Variants in MAOB observed in about 807,000 individuals in gnomAD.
MAOB encodes the protein amine oxidase [flavin-containing] B.
In MAOB, 15 loss-of-function variants were observed where a neutral mutation model predicts 41.9. The observed-to-expected ratio is 0.36, with a 90% CI of 0.24 to 0.55. The LOEUF is 0.55. Among genes scored for constraint, MAOB ranks in the 20% least tolerant of loss-of-function variants. The pLI is 0.86. For synonymous variants in MAOB, 167 were observed against 144.2 expected (o/e 1.16, Z -1.13); for missense variants, 345 against 398.7 (o/e 0.87, Z 1.15).
At chrX:43,780,451 C>T (rs2034317187) in intron 9 of MAOB, 56 bp from the exon 10 acceptor site, 1 of 938,970 alleles carries the variant, frequency 1.1e-6, no homozygotes, top group East Asian at 3.1e-5. Context: ...TCATCCTAGC[C>T]TCATTTTCGT....
At chrX:43,786,217 T>G (rs2034396293) in intron 8 of MAOB, among the ~76,000 whole-genome samples, 1 of 112,261 alleles carries the variant, frequency 8.9e-6, no homozygotes, top group Non-Finnish European at 1.9e-5. Flanking sequence ...GTCCAACTCC[T>G]TCTGCTCCAT....
Position 43,793,454 on chromosome X carries a change from A to G in MAOB, c.893T>C (p.Ile298Thr). ...CCAGAAAGGCTCTTTATAATAAACT[A>G]TACACTTGATGACTGAACCCAAAGG... ...RVPLGSVIKC[I>T]VYYKEPFWRK... The change falls in exon 8 of 15, where the codon ATA becomes ACA. Residue 298 changes from isoleucine (I) to threonine (T), a missense_variant. Physicochemically the swap from Ile to Thr is moderately conservative, Grantham distance 89. Coordinates refer to ENST00000378069, the MANE Select transcript of MAOB (RefSeq NM_000898.5). 8.3e-7 allele frequency: 1 copy of G among 1,205,592 alleles called. No homozygotes were observed. The highest frequency in any genetic ancestry group is 1.8e-5 in the South Asian group (1 of 55,997).
At chrX:43,837,771 T>C in intron 3 of MAOB, 1 of 310,573 alleles carries the variant, frequency 3.2e-6, no homozygotes, top group Admixed American at 3.2e-5. Flanking sequence ...TGCTGCTTAC[T>C]TCCACCCACA....
At chrX:43,872,069 T>C (rs1436223906) in intron 1 of MAOB, among the ~76,000 whole-genome samples, 1 of 111,917 alleles carries the variant, frequency 8.9e-6, no homozygotes, top group Non-Finnish European at 1.9e-5. Flanking sequence ...TACAGGACTA[T>C]TTTCTTTTCT....
intron 3 of MAOB, among the ~76,000 whole-genome samples, chrX:43,809,641 A>G (rs1362134117): frequency 8.9e-6 from 1 of 111,979 alleles, no homozygotes; most frequent in Admixed American, 9.5e-5. Context: ...AGATTACACA[A>G]TCTGAGGCAA....
chrX:43,881,058 A>C (rs781082896), intron 1 of MAOB, among the ~76,000 whole-genome samples: 6 of 113,303 alleles, frequency 5.3e-5, no homozygotes, highest in Non-Finnish European at 9.4e-5. Context: ...TGTACCTGCA[A>C]CACCAGGCAC....
intron 12 of MAOB, among the ~76,000 whole-genome samples, chrX:43,771,959 T>G (rs1215887450): frequency 9.0e-6 from 1 of 111,686 alleles, no homozygotes; most frequent in East Asian, 2.8e-4. Context: ...CCACATATAT[T>G]TCTTGTGGCT....
intron 3 of MAOB, among the ~76,000 whole-genome samples, chrX:43,835,433 ATTATATAG>A (rs1346449645): frequency 8.9e-6 from 1 of 112,162 alleles, no homozygotes; most frequent in African/African-American, 3.2e-5. Flanking sequence ...CACCTTCTAA[ATTATATAG>A]ATTTGAGCTG....
intron 8 of MAOB, among the ~76,000 whole-genome samples, chrX:43,789,837 C>T (rs2034442750): frequency 8.9e-6 from 1 of 111,801 alleles, no homozygotes; most frequent in South Asian, 3.7e-4. Context: ...GATCATTTCA[C>T]TATGTACATG....
chrX:43,770,142 T>TA (rs1007630318), intron 12 of MAOB, among the ~76,000 whole-genome samples: 6 of 110,811 alleles, frequency 5.4e-5, no homozygotes, highest in Non-Finnish European at 1.1e-4. Context: ...TTGCCTCTGC[T>TA]AAAAAAAACT....
intron 1 of MAOB, among the ~76,000 whole-genome samples, chrX:43,876,106 T>C (rs990024686): frequency 9.0e-6 from 1 of 111,025 alleles, no homozygotes; most frequent in Non-Finnish European, 1.9e-5. Context: ...ACTGGAGGCA[T>C]GCGCCACCAC....
intron 1 of MAOB, among the ~76,000 whole-genome samples, chrX:43,872,995 G>A (rs1317165374): frequency 8.9e-6 from 1 of 112,306 alleles, no homozygotes; most frequent in Non-Finnish European, 1.9e-5. Context: ...AGATCATCAA[G>A]ATGGAATGTG....
At chrX:43,865,599 A>T (rs1210015486) in intron 1 of MAOB, among the ~76,000 whole-genome samples, 1 of 111,905 alleles carries the variant, frequency 8.9e-6, no homozygotes, top group African/African-American at 3.3e-5. Context: ...TAAAAATCTT[A>T]TGAAGATAAA....
At chrX:43,866,561 G>T (rs1475996512) in intron 1 of MAOB, among the ~76,000 whole-genome samples, 1 of 112,163 alleles carries the variant, frequency 8.9e-6, no homozygotes, top group Non-Finnish European at 1.9e-5. Context: ...GGCTGGGGAA[G>T]AAGGGAATGG....
At chrX:43,835,603 T>A (rs994549837) in intron 3 of MAOB, among the ~76,000 whole-genome samples, 7 of 112,169 alleles carry the variant, frequency 6.2e-5, no homozygotes, top group Admixed American at 9.4e-5. Context: ...GATACAAACA[T>A]GTCTGACAGA....
At chrX:43,876,265 C>A (rs763546668) in intron 1 of MAOB, among the ~76,000 whole-genome samples, 42 of 111,650 alleles carry the variant, frequency 3.8e-4, no homozygotes, top group Non-Finnish European at 7.3e-4. Context: ...TGGCCAATAA[C>A]CACACTTATT....
chrX:43,838,981 G>A lies in MAOB; in HGVS notation c.166C>T (p.Leu56Phe). ...GTTGGTCCAACATAGGATCCTCCAA[G>A]GTCCACATATTTAACCTTTTGGTTC... is the stretch of plus-strand genomic sequence containing the variant. Reference protein sequence around the residue: ...LRNQKVKYVDLGGSYVGPTQN... With the variant: ...LRNQKVKYVDFGGSYVGPTQN... Residue 56 changes from leucine (L) to phenylalanine (F), a missense_variant, in exon 3 of 15, where the codon CTT (leucine) becomes TTT (phenylalanine). By Grantham distance (22) the Leu-to-Phe change is conservative. Coordinates refer to ENST00000378069, the MANE Select transcript of MAOB (RefSeq NM_000898.5). 4.2e-6 allele frequency: 5 copies of A among 1,190,195 alleles called. No individual in the cohort carries two copies. Among genetic ancestry groups the A allele is most frequent in the East Asian group, 3.0e-5 (1 of 33,390 alleles).
At chrX:43,853,259 G>C (rs1488992836) in intron 1 of MAOB, among the ~76,000 whole-genome samples, 1 of 81,453 alleles carries the variant, frequency 1.2e-5, no homozygotes, top group Non-Finnish European at 2.3e-5. Context: ...CAGAGCGAGA[G>C]TCCGTCTCAA....
chrX:43,849,739 T>A (rs960023581), intron 1 of MAOB, among the ~76,000 whole-genome samples: 1 of 112,840 alleles, frequency 8.9e-6, no homozygotes, highest in African/African-American at 3.2e-5. Flanking sequence ...TAGTACACAG[T>A]TGGCACTTAA....
Sources: allele counts gnomAD v4.1 joint callset (sites outside exome capture counted in the v4.1 genomes callset), GRCh38; gene constraint gnomAD v4.1.1; transcripts MANE v1.5; gene names NCBI Gene and HGNC (gene_info 2026-07-23, HGNC 2026-07-21).